TMEM132D: variants seen among roughly 807,000 people sequenced by gnomAD.
The protein encoded by TMEM132D is mature OL transmembrane protein.
In TMEM132D, 21 loss-of-function variants were observed where a neutral mutation model predicts 62.3. The observed-to-expected ratio is 0.34, with a 90% CI of 0.24 to 0.49. The LOEUF is 0.49. Among genes scored for constraint, TMEM132D ranks in the 20% least tolerant of loss-of-function variants. The pLI is 0.99. For missense variants in TMEM132D, 1,346 were observed against 1,402.8 expected (o/e 0.96, Z 0.65); for synonymous variants, 621 against 575.6 (o/e 1.08, Z -1.13).
intron 3 of TMEM132D, among the ~76,000 whole-genome samples, chr12:129,527,411 A>C (rs1876080302): frequency 6.6e-6 from 1 of 152,222 alleles, no homozygotes; most frequent in African/African-American, 2.4e-5. Context: ...TAATTATGAA[A>C]ATAGATTAAA....
At chr12:129,450,046 T>C (rs1593013658) in intron 3 of TMEM132D, among the ~76,000 whole-genome samples, 1 of 152,236 alleles carries the variant, frequency 6.6e-6, no homozygotes, top group Admixed American at 6.5e-5. Flanking sequence ...TCATGTCCTT[T>C]GCCCACTTCT....
chr12:129,367,829 A>G (rs1199474619), intron 3 of TMEM132D, among the ~76,000 whole-genome samples: 1 of 138,916 alleles, frequency 7.2e-6, no homozygotes, highest in Non-Finnish European at 1.5e-5. Flanking sequence ...TCTGTCACCC[A>G]GGCTGGAGTG....
At chr12:129,281,183 G>GTC (rs1881135226) in intron 4 of TMEM132D, among the ~76,000 whole-genome samples, 1 of 151,952 alleles carries the variant, frequency 6.6e-6, no homozygotes, top group Non-Finnish European at 1.5e-5. Flanking sequence ...CATTAAGGCA[G>GTC]GTCAAGAATT....
At chr12:129,141,670 C>G (rs963371155) in intron 5 of TMEM132D, among the ~76,000 whole-genome samples, 1 of 152,050 alleles carries the variant, frequency 6.6e-6, no homozygotes, top group Non-Finnish European at 1.5e-5. Flanking sequence ...GAACAGAAAA[C>G]CAAATACTGC....
intron 1 of TMEM132D, among the ~76,000 whole-genome samples, chr12:129,761,830 G>T (rs1004089609): frequency 6.6e-6 from 1 of 152,068 alleles, no homozygotes; most frequent in East Asian, 1.9e-4. Flanking sequence ...CCCCAGAAAT[G>T]AGCCTGCAAG....
At chr12:129,286,114 A>G (rs564682485) in intron 4 of TMEM132D, among the ~76,000 whole-genome samples, 7 of 152,354 alleles carry the variant, frequency 4.6e-5, no homozygotes, top group South Asian at 2.1e-4. Flanking sequence ...AAGTTTCTCT[A>G]GTTTTAGGTT....
chr12:129,682,736 G>A (rs1880810376), intron 2 of TMEM132D, among the ~76,000 whole-genome samples: 1 of 151,718 alleles, frequency 6.6e-6, no homozygotes, highest in African/African-American at 2.4e-5. Context: ...GCGGGTGCCT[G>A]TAGTCCCAGC....
At chr12:129,704,193 T>C (rs1022134659) in intron 1 of TMEM132D, among the ~76,000 whole-genome samples, 6 of 152,270 alleles carry the variant, frequency 3.9e-5, no homozygotes, top group Non-Finnish European at 5.9e-5. Context: ...TGTGTTTTAT[T>C]TCCCAAATCT....
intron 1 of TMEM132D, among the ~76,000 whole-genome samples, chr12:129,892,986 C>G (rs1176123384): frequency 1.3e-5 from 2 of 152,142 alleles, no homozygotes; most frequent in Non-Finnish European, 2.9e-5. Context: ...AAGTGATTCT[C>G]CTGCCTCAGC....
chr12:129,700,904 C>T (rs1035775992), intron 1 of TMEM132D, among the ~76,000 whole-genome samples: 2 of 152,136 alleles, frequency 1.3e-5, no homozygotes, highest in African/African-American at 4.8e-5. Flanking sequence ...AGTAGAAAAC[C>T]AGTATCATTT....
intron 2 of TMEM132D, among the ~76,000 whole-genome samples, chr12:129,623,561 T>C (rs958647330): frequency 2.0e-5 from 3 of 151,984 alleles, no homozygotes; most frequent in African/African-American, 7.3e-5. Context: ...AGGATAATGG[T>C]CTCCAGTTCC....
intron 1 of TMEM132D, among the ~76,000 whole-genome samples, chr12:129,837,128 T>C (rs1005216602): frequency 2.6e-5 from 4 of 152,234 alleles, no homozygotes. Flanking sequence ...ATTCCAGAAA[T>C]AATTATGTAA....
intron 5 of TMEM132D, among the ~76,000 whole-genome samples, chr12:129,091,932 C>T (rs568702775): frequency 1.3e-5 from 2 of 152,328 alleles, no homozygotes; most frequent in East Asian, 3.9e-4. Context: ...TTCCAAACTC[C>T]CCCTCTGGGA....
chr12:129,578,515 GCA>G (rs772918566), intron 2 of TMEM132D, among the ~76,000 whole-genome samples: 5 of 149,988 alleles, frequency 3.3e-5, no homozygotes, highest in African/African-American at 9.8e-5. Flanking sequence ...ATACACATGC[GCA>G]CACACACACA....
At chr12:129,870,793 C>A (rs1436015424) in intron 1 of TMEM132D, among the ~76,000 whole-genome samples, 2 of 152,202 alleles carry the variant, frequency 1.3e-5, no homozygotes, top group African/African-American at 2.4e-5. Context: ...AAGGGTATAA[C>A]CTTAAAATAG....
intron 1 of TMEM132D, among the ~76,000 whole-genome samples, chr12:129,811,423 C>T (rs1045743958): frequency 1.4e-4 from 21 of 151,682 alleles, no homozygotes; most frequent in East Asian, 3.9e-4. Flanking sequence ...TCCAGTGATC[C>T]GGATACTCCG....
chr12:129,337,510 G>A, intron 4 of TMEM132D, 124 bp downstream of exon 4: 3 of 1,152,154 alleles, frequency 2.6e-6, no homozygotes, highest in Non-Finnish European at 3.7e-6. Context: ...TTGTGGTTTC[G>A]TTTCTCACTG....
Position 129,209,531 on chromosome 12 carries a change from C to G in TMEM132D, c.1432G>C (p.Asp478His). The part of the protein sequence containing the change: ...ESVECRSSDE[D>H]VIKVSDRCDY... ...AGGTGTCAACTTGCCTTAATCACGT[C>G]TTCATCAGACGATCTACACTCCACA... The change falls in exon 5 of 9, where the codon GAC (aspartate) becomes CAC (histidine). Residue 478 changes from aspartate to histidine, a missense_variant. Physicochemically the swap from Asp to His is moderately conservative, Grantham distance 81 (BLOSUM62 -1). Transcript: ENST00000422113. 1.9e-6 allele frequency: 3 copies of G among 1,592,256 alleles called. No homozygotes were observed. The highest frequency in any genetic ancestry group is 2.6e-6 in the Non-Finnish European group (3 of 1,170,802).
intron 2 of TMEM132D, among the ~76,000 whole-genome samples, chr12:129,630,251 A>C (rs1659106389): frequency 6.6e-6 from 1 of 152,186 alleles, no homozygotes; most frequent in Non-Finnish European, 1.5e-5. Flanking sequence ...TGAGAAAAAC[A>C]GGCAGCTGTG....
Sources: gnomAD v4.1 joint callset for allele counts (sites outside exome capture counted in the v4.1 genomes callset) on GRCh38, gnomAD v4.1.1 for gene constraint, MANE v1.5 for transcripts, NCBI Gene and HGNC (gene_info 2026-07-23, HGNC 2026-07-21) for gene names.